Variants in DLGAP2 observed in about 807,000 individuals in gnomAD.
The protein encoded by DLGAP2 is disks large-associated protein 2.
Under a neutral mutation model 100.3 loss-of-function variants are expected in DLGAP2, and 26 were observed. The observed-to-expected ratio is 0.26, with a 90% CI of 0.19 to 0.36. DLGAP2 has a LOEUF of 0.36. Among genes scored for constraint, DLGAP2 ranks in the 10% least tolerant of loss-of-function variants. DLGAP2 has a pLI of 1.00. For missense variants in DLGAP2, 1,858 were observed against 1,453.2 expected (o/e 1.28, Z -4.53); for synonymous variants, 886 against 630.1 (o/e 1.41, Z -6.08).
chr8:898,892 C>T (rs965238148), intron 1 of DLGAP2, among the ~76,000 whole-genome samples: 4 of 152,208 alleles, frequency 2.6e-5, no homozygotes, highest in Non-Finnish European at 5.9e-5. Flanking sequence ...CCCTGCGCAT[C>T]AGAGAATGTT....
chr8:1,695,935 G>A (rs1358095708), intron 13 of DLGAP2, among the ~76,000 whole-genome samples: 4 of 152,352 alleles, frequency 2.6e-5, no homozygotes, highest in Middle Eastern at 3.4e-3. Context: ...CAAGTGCCTG[G>A]GGGGGCTTTG....
chr8:921,706 C>T (rs749144863), intron 2 of DLGAP2, among the ~76,000 whole-genome samples: 6 of 152,264 alleles, frequency 3.9e-5, no homozygotes, highest in Non-Finnish European at 7.3e-5. Context: ...ATCCTCCACC[C>T]AGGTGGCTGC....
At chr8:1,168,621 C>G (rs902121060) in intron 2 of DLGAP2, among the ~76,000 whole-genome samples, 10 of 149,038 alleles carry the variant, frequency 6.7e-5, no homozygotes, top group African/African-American at 2.5e-4. Context: ...TTGCATTTCT[C>G]TGATGGCCAG....
intron 1 of DLGAP2, among the ~76,000 whole-genome samples, chr8:789,605 A>G (rs1356612792): frequency 2.6e-5 from 4 of 152,206 alleles, no homozygotes; most frequent in Admixed American, 2.6e-4. Flanking sequence ...CAGTTAGGTA[A>G]TTCTTATTCT....
chr8:1,238,532 C>G (rs1463675565), intron 2 of DLGAP2, among the ~76,000 whole-genome samples: 8 of 115,468 alleles, frequency 6.9e-5, no homozygotes, highest in Non-Finnish European at 9.5e-5. Flanking sequence ...GGCGCCGTGT[C>G]TGGTTCTCTC....
At chr8:1,468,377 A>G (rs1212512595) in intron 3 of DLGAP2, among the ~76,000 whole-genome samples, 3 of 146,818 alleles carry the variant, frequency 2.0e-5, no homozygotes, top group South Asian at 4.4e-4. Flanking sequence ...GCCTCAGTCC[A>G]TTCTGAGAAC....
intron 2 of DLGAP2, among the ~76,000 whole-genome samples, chr8:1,177,321 G>A (rs1291140604): frequency 6.6e-6 from 1 of 151,980 alleles, no homozygotes; most frequent in South Asian, 2.1e-4. Flanking sequence ...TTTTGCTCAG[G>A]AGAGGCATTA....
chr8:1,504,798 T>G (rs188422826), intron 4 of DLGAP2, among the ~76,000 whole-genome samples: 134 of 152,336 alleles, frequency 8.8e-4, no homozygotes, highest in African/African-American at 3.1e-3. Context: ...AGGTTGGTTC[T>G]GCGTGTTGGC....
intron 3 of DLGAP2, among the ~76,000 whole-genome samples, chr8:1,355,654 C>T (rs1801831198): frequency 6.6e-6 from 1 of 152,188 alleles, no homozygotes; most frequent in South Asian, 2.1e-4. Flanking sequence ...TGAGCCACCG[C>T]ACCTGGCCAA....
intron 3 of DLGAP2, among the ~76,000 whole-genome samples, chr8:1,261,442 G>A (rs957478024): frequency 1.3e-5 from 2 of 150,134 alleles, no homozygotes; most frequent in African/African-American, 4.9e-5. Context: ...CAGACTGGGA[G>A]GGCAGGTCAG....
intron 3 of DLGAP2, among the ~76,000 whole-genome samples, chr8:1,449,875 C>T (rs1381903876): frequency 2.1e-5 from 3 of 141,158 alleles, no homozygotes; most frequent in Non-Finnish European, 4.7e-5. Context: ...AGGTGGGCGG[C>T]CTCGGTGGCT....
At chr8:1,028,640 G>T (rs1427286030) in intron 2 of DLGAP2, among the ~76,000 whole-genome samples, 1 of 152,250 alleles carries the variant, frequency 6.6e-6, no homozygotes, top group African/African-American at 2.4e-5. Context: ...AGAAGCTGTA[G>T]GATGCTCACG....
At chr8:1,627,495 C>G (rs2130771386) in intron 7 of DLGAP2, among the ~76,000 whole-genome samples, 1 of 152,328 alleles carries the variant, frequency 6.6e-6, no homozygotes, top group East Asian at 1.9e-4. Context: ...TGAGAACGCA[C>G]AGTGAAAAAA....
chr8:1,162,614 C>T (rs1479378147), intron 2 of DLGAP2, among the ~76,000 whole-genome samples: 2 of 152,212 alleles, frequency 1.3e-5, no homozygotes, highest in Non-Finnish European at 2.9e-5. Flanking sequence ...GCGTGCATAG[C>T]TTGAAGTTCC....
chr8:1,243,599 A>G (rs1252248297), intron 2 of DLGAP2, among the ~76,000 whole-genome samples: 1 of 151,906 alleles, frequency 6.6e-6, no homozygotes. Context: ...GTTTCCTCAC[A>G]TTAATTTGTT....
intron 2 of DLGAP2, among the ~76,000 whole-genome samples, chr8:1,009,857 C>G (rs1362328815): frequency 1.3e-5 from 2 of 152,108 alleles, no homozygotes; most frequent in Non-Finnish European, 2.9e-5. Context: ...TATCAAATGC[C>G]CATTTATCTG....
At chr8:905,839 C>T (rs1365774166) in intron 1 of DLGAP2, among the ~76,000 whole-genome samples, 1 of 147,154 alleles carries the variant, frequency 6.8e-6, no homozygotes, top group African/African-American at 2.5e-5. Context: ...ACTGACCTCA[C>T]ATGCATGTCT....
chr8:1,009,071 C>A (rs1457857562), intron 2 of DLGAP2, among the ~76,000 whole-genome samples: 1 of 152,188 alleles, frequency 6.6e-6, no homozygotes, highest in Non-Finnish European at 1.5e-5. Context: ...TGATGGGGGG[C>A]AGGCAGGAGT....
At chr8:1,563,896 T>C (rs1231668158) in intron 5 of DLGAP2, among the ~76,000 whole-genome samples, 1 of 152,162 alleles carries the variant, frequency 6.6e-6, no homozygotes, top group Non-Finnish European at 1.5e-5. Context: ...TTTCTGATGA[T>C]ATAAGTAGTA....
Sources: gnomAD v4.1 joint callset for allele counts (sites outside exome capture counted in the v4.1 genomes callset) on GRCh38, gnomAD v4.1.1 for gene constraint, MANE v1.5 for transcripts, NCBI Gene and HGNC (gene_info 2026-07-23, HGNC 2026-07-21) for gene names.